METTL8: variants seen among roughly 807,000 people sequenced by gnomAD.
METTL8 encodes methyltransferase 8, tRNA N3-cytidine.
In METTL8, 32 loss-of-function variants were observed where a neutral mutation model predicts 48.7. The ratio of observed to expected loss-of-function variants is 0.66; its 90% CI spans 0.50 to 0.88. The LOEUF (loss-of-function observed/expected upper bound fraction) is 0.88. Ranked by LOEUF, METTL8 falls within the 40% of genes least tolerant of loss-of-function variation. METTL8 has a pLI of 0.00. For missense variants in METTL8, 464 were observed against 474.4 expected (o/e 0.98, Z 0.20); for synonymous variants, 136 against 157.1 (o/e 0.87, Z 1.01).
intron 4 of METTL8, among the ~76,000 whole-genome samples, chr2:171,338,627 CAA>C (rs1686371352): frequency 9.0e-6 from 1 of 110,788 alleles, no homozygotes; most frequent in East Asian, 2.4e-4. Flanking sequence ...GCAACAAGAA[CAA>C]AAGTCTGTCT....
intron 1 of METTL8, among the ~76,000 whole-genome samples, chr2:171,419,360 C>G (rs1353270995): frequency 1.3e-5 from 2 of 152,130 alleles, no homozygotes; most frequent in African/African-American, 4.8e-5. Flanking sequence ...CTATATTAAA[C>G]TAGAGTTCAT....
chr2:171,390,850 T>A (rs772705526), intron 2 of METTL8, among the ~76,000 whole-genome samples: 7 of 152,172 alleles, frequency 4.6e-5, no homozygotes, highest in Non-Finnish European at 1.0e-4. Context: ...AATTTAGACA[T>A]AATTTAGACA....
intron 2 of METTL8, among the ~76,000 whole-genome samples, chr2:171,371,919 G>A (rs1686402087): frequency 6.6e-6 from 1 of 151,402 alleles, no homozygotes; most frequent in African/African-American, 2.4e-5. Context: ...TCCAACTCCT[G>A]CATCAAGCGA....
intron 2 of METTL8, among the ~76,000 whole-genome samples, chr2:171,389,842 G>A (rs1459541721): frequency 1.3e-5 from 2 of 152,166 alleles, no homozygotes; most frequent in South Asian, 2.1e-4. Flanking sequence ...CTGTAGCATC[G>A]AGTTATCCAG....
chr2:171,394,116 T>C (rs1050335642), intron 1 of METTL8, among the ~76,000 whole-genome samples: 3 of 152,222 alleles, frequency 2.0e-5, no homozygotes, highest in African/African-American at 7.2e-5. Context: ...GCCTTTGTTC[T>C]TTTTGCCTGC....
chr2:171,434,248 G>A (rs1693572515), upstream of METTL8: 1 of 480,322 alleles, frequency 2.1e-6, no homozygotes, highest in African/African-American at 2.0e-5. Context: ...TGCCTCACGA[G>A]GCACTAGGAA....
At chr2:171,414,047 C>T (rs974324392) in intron 1 of METTL8, among the ~76,000 whole-genome samples, 14 of 152,070 alleles carry the variant, frequency 9.2e-5, no homozygotes, top group African/African-American at 3.1e-4. Context: ...TGAAAAACTA[C>T]AATACAAATA....
At chr2:171,373,346 A>T (rs997551081) in intron 2 of METTL8, among the ~76,000 whole-genome samples, 1 of 152,082 alleles carries the variant, frequency 6.6e-6, no homozygotes, top group Non-Finnish European at 1.5e-5. Context: ...TTTCTTGTAA[A>T]TTTGATTGAG....
chr2:171,343,232 G>A (rs576268888), intron 3 of METTL8, among the ~76,000 whole-genome samples: 1 of 152,274 alleles, frequency 6.6e-6, no homozygotes, highest in South Asian at 2.1e-4. Context: ...CTGAGGTCAG[G>A]AGCTCGAGAC....
At chr2:171,338,375 T>A (rs1163135197) in intron 4 of METTL8, among the ~76,000 whole-genome samples, 1 of 152,136 alleles carries the variant, frequency 6.6e-6, no homozygotes, top group South Asian at 2.1e-4. Context: ...CAGTGGCTCA[T>A]GCCTGTAATC....
At position 171,328,888 on chromosome 2, in the gene METTL8, C is replaced by G. The variant is rs184254826; in HGVS notation, c.860+1671G>C. The stretch of plus-strand genomic sequence containing the variant: ...ATTTTTGGTAGAGATGGGGTTTCAC[C>G]ATGTTGGCCAGGCTGGTCTTGAACT... On this transcript the variant is annotated intron_variant, in intron 7 of 9. Transcript: ENST00000375258. Among the ~76,000 whole-genome samples the G allele has an allele frequency of 3.8e-3, 581 of 152,262 alleles. 4 individuals are homozygous for G. Among genetic ancestry groups the G allele is most frequent in the African/African-American group, 0.013 (532 of 41,548 alleles).
intron 1 of METTL8, among the ~76,000 whole-genome samples, chr2:171,425,348 C>T (rs1692296005): frequency 6.6e-6 from 1 of 152,178 alleles, no homozygotes; most frequent in Non-Finnish European, 1.5e-5. Context: ...CAAGAGACCC[C>T]CTCATCCTCT....
At chr2:171,382,792 G>A (rs770870635) in intron 2 of METTL8, among the ~76,000 whole-genome samples, 3 of 152,088 alleles carry the variant, frequency 2.0e-5, no homozygotes, top group Non-Finnish European at 2.9e-5. Context: ...ACACATCTGG[G>A]CCAGACGCGG....
chr2:171,356,698 C>T (rs1575820373), intron 3 of METTL8, among the ~76,000 whole-genome samples: 1 of 152,204 alleles, frequency 6.6e-6, no homozygotes. Context: ...AACTTAAGGA[C>T]CTCCATTTCC....
chr2:171,338,953 AT>A (rs113891597), intron 4 of METTL8, among the ~76,000 whole-genome samples: 360 of 147,460 alleles, frequency 2.4e-3, no homozygotes, highest in African/African-American at 4.1e-3. Context: ...AAAACAGACA[AT>A]TTTTTTTTTT....
intron 7 of METTL8, among the ~76,000 whole-genome samples, chr2:171,327,765 T>G (rs1192918920): frequency 6.6e-6 from 1 of 152,234 alleles, no homozygotes; most frequent in African/African-American, 2.4e-5. Context: ...TTTTTGTTTA[T>G]TTTATTACAG....
chr2:171,412,726 G>GA (rs536551109), intron 1 of METTL8, among the ~76,000 whole-genome samples: 1,657 of 136,002 alleles, frequency 0.012, 13 homozygotes, highest in Non-Finnish European at 0.013. Context: ...TGGACTCACA[G>GA]AAAAAAAAAA....
At chr2:171,385,541 A>G (rs1326873417) in intron 2 of METTL8, among the ~76,000 whole-genome samples, 1 of 152,236 alleles carries the variant, frequency 6.6e-6, no homozygotes, top group Admixed American at 6.5e-5. Flanking sequence ...ATGTGAATCA[A>G]CTACCTTCCT....
At chr2:171,415,448 G>A (rs569817898) in intron 1 of METTL8, among the ~76,000 whole-genome samples, 1 of 149,770 alleles carries the variant, frequency 6.7e-6, no homozygotes, top group African/African-American at 2.5e-5. Flanking sequence ...TGCCACCCGG[G>A]TTCAAGCAAT....
Sources: allele counts gnomAD v4.1 joint callset (sites outside exome capture counted in the v4.1 genomes callset), GRCh38; gene constraint gnomAD v4.1.1; transcripts MANE v1.5; gene names NCBI Gene and HGNC (gene_info 2026-07-23, HGNC 2026-07-21).